Variants in RBFOX2 observed in about 807,000 individuals in gnomAD.
The protein encoded by RBFOX2 is RNA binding fox-1 homolog 2, also known as RNA binding protein fox-1 homolog 2.
Under a neutral mutation model 49.1 loss-of-function variants are expected in RBFOX2, and 10 were observed. The observed-to-expected ratio is 0.20, with a 90% CI of 0.13 to 0.35. RBFOX2 has a LOEUF of 0.35. RBFOX2 is among the 10% of genes least tolerant of loss of function. RBFOX2 has a pLI of 1.00. For missense variants in RBFOX2, 323 were observed against 486.9 expected (o/e 0.66, Z 3.17); for synonymous variants, 183 against 187.4 (o/e 0.98, Z 0.19).
chr22:35,744,039 C>A, exon 12 of RBFOX2: 1 of 485,770 alleles, frequency 2.1e-6, no homozygotes, highest in Non-Finnish European at 3.4e-6. Context: ...ATTCAAAGAA[C>A]ATAGTGAGGT....
At chr22:35,990,697 G>A (rs1361848489) in intron 1 of RBFOX2, among the ~76,000 whole-genome samples, 1 of 152,156 alleles carries the variant, frequency 6.6e-6, no homozygotes, top group African/African-American at 2.4e-5. Flanking sequence ...AGACACTGGA[G>A]TCTCTTAAGA....
Position 35,793,982 on chromosome 22 carries a change from A to C in RBFOX2, c.253-12236T>G, listed in dbSNP as rs113425916. ...ACGCTGTGAAACAAAAACCACAGCA[A>C]GTCATTTTTTTAAACAGGAGTAAGA... On this transcript the variant is annotated intron_variant, in intron 2 of 11. Transcript: ENST00000405409. Among the ~76,000 whole-genome samples, 835 of 152,358 alleles carry C rather than the reference A, an allele frequency of 5.5e-3. 11 individuals are homozygous for C. Among genetic ancestry groups the C allele is most frequent in the African/African-American group, 0.019 (775 of 41,596 alleles).
chr22:35,976,025 T>TCC (rs933010486), intron 1 of RBFOX2, among the ~76,000 whole-genome samples: 5 of 152,136 alleles, frequency 3.3e-5, no homozygotes, highest in African/African-American at 1.2e-4. Context: ...GCTGAGCCCC[T>TCC]CCTTCACTAC....
At chr22:35,821,976 T>C (rs756073309) in intron 1 of RBFOX2, 18 of 518,680 alleles carry the variant, frequency 3.5e-5, no homozygotes, top group African/African-American at 2.9e-4. Flanking sequence ...GCAATAGCTC[T>C]ACACAACCTT....
intron 1 of RBFOX2, among the ~76,000 whole-genome samples, chr22:35,874,324 G>A (rs954977011): frequency 8.5e-5 from 13 of 152,132 alleles, no homozygotes; most frequent in African/African-American, 3.1e-4. Context: ...CTTTCAGTAT[G>A]TTGAGCGGAA....
In RBFOX2 at chr22:35,803,036, C is replaced by A. The variant is rs181585233; in HGVS notation, c.252+6744G>T. Among the ~76,000 whole-genome samples, 7 of 152,020 alleles carry A rather than the reference C, an allele frequency of 4.6e-5. No homozygotes were observed. In the East Asian group the frequency reaches 1.4e-3, roughly 29 times the overall value. ...CTAGGAAGACACGGGTGCCTCCTAG[C>A]CAGGCTAAAAACAATAAAACAACAA... On this transcript the variant is annotated intron_variant, in intron 2 of 11. Coordinates refer to ENST00000405409, the Ensembl canonical transcript of RBFOX2.
exon 1 of RBFOX2, chr22:36,028,558 G>GCGAGCGGACTC (rs1232888181): frequency 1.2e-6 from 1 of 845,714 alleles, no homozygotes; most frequent in Non-Finnish European, 1.4e-6. Flanking sequence ...GTGCGTGCGC[G>GCGAGCGGACTC]CGAGCGGACT....
rs2048049952 is a variant in RBFOX2, at chr22:35,897,826, T to C, written c.-34+41021A>G. 5 of 746,264 alleles carry C rather than the reference T, an allele frequency of 6.7e-6. No individual in the cohort carries two copies. The Admixed American group carries it at 8.7e-5, about 13-fold the overall frequency. The allele number at this position is 746,264 out of a possible 1,614,324, so 46.2% of individuals were successfully genotyped here. On this transcript the variant is annotated intron_variant, in intron 1 of 13. Coordinates refer to the RBFOX2 transcript ENST00000359369. The stretch of plus-strand genomic sequence containing the variant: ...TACGATAATGGCTTCTGGAAATGTG[T>C]CTCTCACTGCTTTCTCTCCAACAGC...
At chr22:36,028,415 C>T in exon 1 of RBFOX2, 2 of 1,228,360 alleles carry the variant, frequency 1.6e-6, no homozygotes, top group South Asian at 7.3e-5. Flanking sequence ...CGGCTGGGCG[C>T]CCTCCGCCAT....
chr22:35,875,427 T>C (rs930750783), intron 1 of RBFOX2, among the ~76,000 whole-genome samples: 1 of 152,162 alleles, frequency 6.6e-6, no homozygotes, highest in African/African-American at 2.4e-5. Context: ...GTTTAGTTTA[T>C]GCAAAATTCC....
chr22:35,916,251 T>A (rs576104974), intron 1 of RBFOX2, among the ~76,000 whole-genome samples: 1 of 152,330 alleles, frequency 6.6e-6, no homozygotes, highest in South Asian at 2.1e-4. Context: ...TGGCTTCTAC[T>A]GTCCACCTTA....
At chr22:35,863,643 T>TA (rs1408556482) in intron 1 of RBFOX2, among the ~76,000 whole-genome samples, 1 of 152,124 alleles carries the variant, frequency 6.6e-6, no homozygotes, top group Non-Finnish European at 1.5e-5. Flanking sequence ...ATCCTTGGGT[T>TA]AGCACTAGCC....
At chr22:35,794,534 T>C (rs1053291521) in intron 2 of RBFOX2, among the ~76,000 whole-genome samples, 7 of 151,928 alleles carry the variant, frequency 4.6e-5, no homozygotes, top group African/African-American at 1.7e-4. Context: ...GGTGGGCACC[T>C]GTGGTCCCAG....
chr22:35,784,859 C>T (rs976149224), intron 2 of RBFOX2, among the ~76,000 whole-genome samples: 3 of 152,216 alleles, frequency 2.0e-5, no homozygotes, highest in African/African-American at 2.4e-5. Flanking sequence ...CCGGCCGCTG[C>T]GGTGGGGCAG....
At chr22:35,870,495 A>G (rs2044237708) in intron 1 of RBFOX2, among the ~76,000 whole-genome samples, 1 of 152,166 alleles carries the variant, frequency 6.6e-6, no homozygotes, top group South Asian at 2.1e-4. Flanking sequence ...ACAAACAAAC[A>G]AATAAATAAA....
chr22:35,899,634 C>A (rs1253772264), intron 1 of RBFOX2, among the ~76,000 whole-genome samples: 1 of 150,194 alleles, frequency 6.7e-6, no homozygotes, highest in East Asian at 1.9e-4. Flanking sequence ...AATTTATTTC[C>A]AATTATCAAA....
exon 10 of RBFOX2, chr22:35,746,529 A>T (rs1181720299): frequency 6.2e-7 from 1 of 1,610,160 alleles, no homozygotes; most frequent in African/African-American, 1.3e-5. Flanking sequence ...TTGCAGTAGC[A>T]GGCTGTGCAT....
intron 6 of RBFOX2, among the ~76,000 whole-genome samples, chr22:35,762,436 C>T (rs1175348398): frequency 6.6e-6 from 1 of 151,316 alleles, no homozygotes; most frequent in Non-Finnish European, 1.5e-5. Context: ...ATATTAAGAC[C>T]CTAGCATTGT....
At chr22:35,823,894 A>T (rs1037597617) in intron 1 of RBFOX2, among the ~76,000 whole-genome samples, 4 of 152,218 alleles carry the variant, frequency 2.6e-5, no homozygotes, top group African/African-American at 9.7e-5. Flanking sequence ...TCACGCCTGT[A>T]ATCCCAGCAC....
Sources: allele counts gnomAD v4.1 joint callset (sites outside exome capture counted in the v4.1 genomes callset), GRCh38; gene constraint gnomAD v4.1.1; transcripts MANE v1.5; gene names NCBI Gene and HGNC (gene_info 2026-07-23, HGNC 2026-07-21).